The following ATP8B4 variants were observed in gnomAD, a reference collection of about 807,000 sequenced individuals.
The protein encoded by ATP8B4 is probable phospholipid-transporting ATPase IM.
In ATP8B4, 133 loss-of-function variants were observed where a neutral mutation model predicts 145.6. The observed-to-expected ratio is 0.91, with a 90% CI of 0.79 to 1.05. The LOEUF is 1.05. Ranked by LOEUF, ATP8B4 falls within the 50% of genes least tolerant of loss-of-function variation. ATP8B4 has a pLI of 0.00. For synonymous variants in ATP8B4, 507 were observed against 492.9 expected (o/e 1.03, Z -0.38); for missense variants, 1,458 against 1,425.2 (o/e 1.02, Z -0.37).
chr15:49,949,984 C>G (rs902145898), intron 14 of ATP8B4, among the ~76,000 whole-genome samples: 2 of 152,136 alleles, frequency 1.3e-5, no homozygotes, highest in African/African-American at 2.4e-5. Flanking sequence ...ATATGTTGAA[C>G]CAGCCTTGCA....
In ATP8B4 at chr15:49,931,294, G is replaced by GT. The variant is rs1567018717; in HGVS notation, c.1466dup (p.Tyr489Ter). ...SEENSAGELIYQVQSPDEGAL... is the reference protein window; with the variant it reads ...SEENSAGELI ...CCCCTTCATCAGGTGACTGAACTTGGTAAATCAGCTCTCCTAAAAGGTAAA... is the reference window on the plus strand; with the variant it reads ...CCCCTTCATCAGGTGACTGAACTTGGTTAAATCAGCTCTCCTAAAAGGTAAA... Residue 489 changes from tyrosine (Y) to a stop codon, truncating the protein, a stop_gained and frameshift_variant, in exon 16 of 28, where the codon TAC (tyrosine) becomes TAAC (stop). Coordinates refer to ENST00000284509, the MANE Select transcript of ATP8B4 (RefSeq NM_024837.4). LOFTEE classifies it high-confidence loss of function. The GT allele has an allele frequency of 6.2e-7, 1 of 1,611,914 alleles. No individual in the cohort carries two copies. Among genetic ancestry groups the GT allele is most frequent in the East Asian group, 2.2e-5 (1 of 44,828 alleles).
At chr15:49,862,400 C>CCT in intron 26 of ATP8B4, 25 bp from the exon 27 acceptor site, 1 of 1,609,158 alleles carries the variant, frequency 6.2e-7, no homozygotes, top group Non-Finnish European at 8.5e-7. Context: ...AGAAAATATA[C>CCT]ACTGTGGTTA....
intron 3 of ATP8B4, among the ~76,000 whole-genome samples, chr15:50,069,204 G>A (rs533517675): frequency 1.3e-5 from 2 of 152,102 alleles, no homozygotes; most frequent in South Asian, 4.1e-4. Flanking sequence ...AATCCCTCTT[G>A]TAATTTGACG....
intron 6 of ATP8B4, among the ~76,000 whole-genome samples, chr15:50,027,529 G>A (rs532001459): frequency 5.5e-4 from 84 of 152,250 alleles, no homozygotes; most frequent in African/African-American, 1.9e-3. Flanking sequence ...AATGAAATTC[G>A]TCCCGTTGCC....
At chr15:49,994,689 G>T (rs2047287135) in intron 9 of ATP8B4, among the ~76,000 whole-genome samples, 1 of 152,004 alleles carries the variant, frequency 6.6e-6, no homozygotes, top group South Asian at 2.1e-4. Context: ...TGAAGAGGGG[G>T]ATGCTTAACC....
rs1214221857 is a variant in ATP8B4 at position 50,086,022 on chromosome 15, ATATT to A, written c.29-11841_29-11838del. 1.8e-3 allele frequency among the ~76,000 whole-genome samples: 163 copies of A among 89,426 alleles called. 11 individuals are homozygous for A. The highest frequency in any genetic ancestry group is 8.1e-3 in the African/African-American group (151 of 18,632). 58.7% of individuals were successfully genotyped at this position (89,426 alleles called of 152,430 possible). A position where few individuals can be genotyped will look rare whatever the true frequency, so the allele number is the denominator to read the frequency against. On this transcript the variant is annotated intron_variant, in intron 2 of 27. Transcript: ENST00000284509. Reference sequence around the variant, plus strand: ...TATTATATATAATATATATAGATCTATATTTATTATATATAATATAATATATAGA... The same window carrying A: ...TATTATATATAATATATATAGATCTATATTATATATAATATAATATATAGA...
At chr15:50,080,909 C>T (rs866106532) in intron 2 of ATP8B4, among the ~76,000 whole-genome samples, 4 of 152,104 alleles carry the variant, frequency 2.6e-5, no homozygotes, top group East Asian at 1.9e-4. Context: ...GTCAGGAGAT[C>T]GAGACCATCC....
chr15:50,132,879 A>G (rs868454868), intron 1 of ATP8B4, among the ~76,000 whole-genome samples: 15 of 152,226 alleles, frequency 9.9e-5, no homozygotes, highest in Middle Eastern at 3.4e-3. Flanking sequence ...CAAACACCAC[A>G]TGTTCTCATT....
Position 49,979,702 on chromosome 15 carries a change from T to C in ATP8B4, c.949A>G (p.Lys317Glu). Residue 317 changes from lysine to glutamate, a missense_variant, in exon 12 of 28, where the codon AAG becomes GAG. Coordinates refer to ENST00000284509, the MANE Select transcript of ATP8B4 (RefSeq NM_024837.4). Reference protein sequence around the residue: ...RTFLFWNEGEKSSVFSGFLTF... With the variant: ...RTFLFWNEGEESSVFSGFLTF... ...AAGAATCCGGAGAACACAGAGCTCTTCTCTCCTTCATTCCAAAAGAGGAAA... is the reference window on the plus strand; with the variant it reads ...AAGAATCCGGAGAACACAGAGCTCTCCTCTCCTTCATTCCAAAAGAGGAAA... 6.2e-7 allele frequency: 1 copy of C among 1,610,250 alleles called. No homozygotes were observed. The highest frequency in any genetic ancestry group is 8.5e-7 in the Non-Finnish European group (1 of 1,176,914).
At chr15:50,014,204 C>T (rs2048923796) in intron 6 of ATP8B4, among the ~76,000 whole-genome samples, 1 of 152,108 alleles carries the variant, frequency 6.6e-6, no homozygotes, top group Admixed American at 6.6e-5. Context: ...TAATAAAGGT[C>T]AATATAATTG....
chr15:49,881,999 C>T (rs913892439), intron 23 of ATP8B4, among the ~76,000 whole-genome samples: 2 of 152,190 alleles, frequency 1.3e-5, no homozygotes, highest in East Asian at 1.9e-4. Context: ...GAGGACAGAA[C>T]GAAGGCCTGA....
At chr15:49,955,515 C>A (rs1476091874) in intron 14 of ATP8B4, among the ~76,000 whole-genome samples, 1 of 152,154 alleles carries the variant, frequency 6.6e-6, no homozygotes, top group Non-Finnish European at 1.5e-5. Context: ...TACTATCCTG[C>A]AATCTCTTAT....
At chr15:50,178,622 C>T (rs541984232) in intron 1 of ATP8B4, among the ~76,000 whole-genome samples, 15 of 152,232 alleles carry the variant, frequency 9.9e-5, no homozygotes, top group African/African-American at 3.4e-4. Context: ...CTCAGTCTCC[C>T]GAGTAGCTGG....
At chr15:49,939,712 C>CA (rs1689853052) in intron 14 of ATP8B4, among the ~76,000 whole-genome samples, 2 of 152,122 alleles carry the variant, frequency 1.3e-5, no homozygotes, top group African/African-American at 4.8e-5. Flanking sequence ...GAAACTACTA[C>CA]AAAAAATTGA....
At chr15:49,898,005 C>A in intron 22 of ATP8B4, 63 bp downstream of exon 22, 2 of 1,558,212 alleles carry the variant, frequency 1.3e-6, no homozygotes, top group Non-Finnish European at 1.8e-6. Context: ...TTATATATTG[C>A]CAAATGCTGA....
rs75654133 is a variant in ATP8B4 at position 50,047,574 on chromosome 15, C to A, written c.88-110G>T. 175 of 716,824 alleles carry A rather than the reference C, an allele frequency of 2.4e-4. No homozygotes were observed. The African/African-American group carries it at 3.0e-3, about 12-fold the overall frequency. 44.4% of individuals were successfully genotyped at this position (716,824 alleles called of 1,614,324 possible). On this transcript the variant is annotated intron_variant, in intron 3 of 27. Coordinates refer to ENST00000284509, the MANE Select transcript of ATP8B4 (RefSeq NM_024837.4). ...AGAGTAAGAAAGATAAGCCGGTTAT[C>A]TAGGAAATTTCAACTCTGTGTGGCT... is the stretch of plus-strand genomic sequence containing the variant.
chr15:50,127,200 A>G (rs1429923374), intron 1 of ATP8B4, among the ~76,000 whole-genome samples: 1 of 152,178 alleles, frequency 6.6e-6, no homozygotes, highest in Non-Finnish European at 1.5e-5. Context: ...CCCTGCCTTT[A>G]AAAACTCTTA....
intron 12 of ATP8B4, among the ~76,000 whole-genome samples, chr15:49,974,978 G>A (rs1424845553): frequency 2.0e-5 from 3 of 152,060 alleles, no homozygotes; most frequent in East Asian, 1.9e-4. Flanking sequence ...CTGGCAATAC[G>A]TACAAGAAAC....
At chr15:50,073,344 T>C (rs926297649) in intron 3 of ATP8B4, among the ~76,000 whole-genome samples, 1 of 152,112 alleles carries the variant, frequency 6.6e-6, no homozygotes, top group Non-Finnish European at 1.5e-5. Context: ...TGTTTGGTTT[T>C]CTGTTCCTGT....
Sources: allele counts gnomAD v4.1 joint callset (sites outside exome capture counted in the v4.1 genomes callset), GRCh38; gene constraint gnomAD v4.1.1; transcripts MANE v1.5; gene names NCBI Gene and HGNC (gene_info 2026-07-23, HGNC 2026-07-21).